The following DOCK3 variants were observed in gnomAD, a reference collection of about 807,000 sequenced individuals.
The protein encoded by DOCK3 is dedicator of cytokinesis 3.
A neutral mutation model predicts 265.6 loss-of-function variants in DOCK3; 60 were observed. The ratio of observed to expected loss-of-function variants is 0.23; its 90% CI spans 0.18 to 0.28. DOCK3 has a LOEUF of 0.28. Among genes scored for constraint, DOCK3 ranks in the 10% least tolerant of loss-of-function variants. The probability of loss-of-function intolerance (pLI) is 1.00; values close to 1 mark genes in which losing one functional copy is unlikely to be tolerated. For synonymous variants in DOCK3, 881 were observed against 938.0 expected (o/e 0.94, Z 1.11); for missense variants, 1,981 against 2,594.3 (o/e 0.76, Z 5.14).
intron 21 of DOCK3, among the ~76,000 whole-genome samples, chr3:51,245,817 TC>T (rs1366749622): frequency 2.0e-5 from 3 of 152,206 alleles, no homozygotes; most frequent in Non-Finnish European, 4.4e-5. Context: ...AGTGGACTGT[TC>T]TATGTGCTTT....
intron 5 of DOCK3, among the ~76,000 whole-genome samples, chr3:50,934,745 A>C (rs1348259872): frequency 6.6e-6 from 1 of 152,192 alleles, no homozygotes; most frequent in African/African-American, 2.4e-5. Context: ...CTCTTAAAAA[A>C]AAAAAAGTAA....
chr3:51,229,997 C>T (rs1287551182), intron 19 of DOCK3, among the ~76,000 whole-genome samples: 1 of 152,190 alleles, frequency 6.6e-6, no homozygotes, highest in African/African-American at 2.4e-5. Context: ...CTGTGCCTGA[C>T]TTATTTCACT....
chr3:50,962,777 CT>C (rs2076924954), intron 5 of DOCK3, among the ~76,000 whole-genome samples: 1 of 152,134 alleles, frequency 6.6e-6, no homozygotes, highest in Non-Finnish European at 1.5e-5. Flanking sequence ...CTACCTAATT[CT>C]TTTCAGTTAT....
chr3:51,318,716 G>A (rs2083507057), intron 32 of DOCK3, among the ~76,000 whole-genome samples: 1 of 151,828 alleles, frequency 6.6e-6, no homozygotes, highest in Non-Finnish European at 1.5e-5. Flanking sequence ...AGTAGCTCAA[G>A]CTCCTTAATT....
intron 1 of DOCK3, among the ~76,000 whole-genome samples, chr3:50,749,901 A>G (rs906657521): frequency 1.3e-5 from 2 of 152,080 alleles, no homozygotes. Context: ...TCTCAAATCC[A>G]TTATACACTC....
At chr3:51,095,358 G>A (rs1481095250) in intron 9 of DOCK3, among the ~76,000 whole-genome samples, 2 of 152,104 alleles carry the variant, frequency 1.3e-5, no homozygotes, top group South Asian at 4.1e-4. Context: ...AGGCTTGGTG[G>A]TGACAAAATC....
chr3:50,696,353 A>G (rs2035616126), intron 1 of DOCK3, among the ~76,000 whole-genome samples: 1 of 152,234 alleles, frequency 6.6e-6, no homozygotes, highest in African/African-American at 2.4e-5. Flanking sequence ...AGAGTTAAGG[A>G]TGCTGGACAC....
intron 5 of DOCK3, among the ~76,000 whole-genome samples, chr3:51,030,580 A>G (rs189169474): frequency 6.6e-6 from 1 of 152,226 alleles, no homozygotes; most frequent in Non-Finnish European, 1.5e-5. Context: ...CAAGTTCTGG[A>G]TCCAATTTTT....
At chr3:51,190,247 C>T (rs545917854) in intron 12 of DOCK3, among the ~76,000 whole-genome samples, 2 of 152,310 alleles carry the variant, frequency 1.3e-5, no homozygotes, top group Admixed American at 1.3e-4. Flanking sequence ...TGCTACTGCT[C>T]TCTGGGTCTA....
In DOCK3 at chr3:51,360,769, A is replaced by T. The variant is rs1294430744; in HGVS notation, c.5006+137A>T. 4 of 1,185,920 alleles carry T rather than the reference A, an allele frequency of 3.4e-6. No homozygotes were observed. In the African/African-American group the frequency reaches 4.6e-5, roughly 14 times the overall value. The allele number at this position is 1,185,920 out of a possible 1,614,324, so 73.5% of individuals were successfully genotyped here. A position where few individuals can be genotyped will look rare whatever the true frequency, so the allele number is the denominator to read the frequency against. On this transcript the variant is annotated intron_variant, in intron 47 of 52. Coordinates refer to ENST00000266037, the MANE Select transcript of DOCK3 (RefSeq NM_004947.5). ...AGCAAACACTTATGTGGCTCCTGCC[A>T]TAGGACCCACACCCTGCATTCAGTC...
Position 51,278,117 on chromosome 3 carries a change from G to A in DOCK3, c.2823+363G>A. On this transcript the variant is annotated intron_variant, in intron 26 of 52. Coordinates refer to ENST00000266037, the MANE Select transcript of DOCK3 (RefSeq NM_004947.5). ...TTCTTCTAGGAACCCCCTCATACAG[G>A]TTCTCCTAAATGATGTACAGGACAG... 4.1e-6 allele frequency: 4 copies of A among 985,340 alleles called. No homozygotes were observed. In the South Asian group the frequency reaches 1.9e-4, roughly 46 times the overall value. 61.0% of individuals were successfully genotyped at this position (985,340 alleles called of 1,614,324 possible).
At chr3:50,797,710 C>A (rs1233097013) in intron 2 of DOCK3, among the ~76,000 whole-genome samples, 1 of 152,102 alleles carries the variant, frequency 6.6e-6, no homozygotes, top group East Asian at 1.9e-4. Flanking sequence ...TTGATGATAG[C>A]CATTTTAACT....
chr3:50,922,393 A>T (rs2050531792), intron 4 of DOCK3, among the ~76,000 whole-genome samples: 1 of 152,198 alleles, frequency 6.6e-6, no homozygotes, highest in Non-Finnish European at 1.5e-5. Context: ...CTGTTTGCTA[A>T]GACTGTTGGA....
chr3:50,687,313 G>C (rs2034895886), intron 1 of DOCK3, among the ~76,000 whole-genome samples: 1 of 152,200 alleles, frequency 6.6e-6, no homozygotes, highest in Non-Finnish European at 1.5e-5. Flanking sequence ...ACTTTATCTG[G>C]TGATTTGAAC....
At chr3:51,202,673 C>A (rs900457323) in intron 12 of DOCK3, among the ~76,000 whole-genome samples, 3 of 152,078 alleles carry the variant, frequency 2.0e-5, no homozygotes, top group Non-Finnish European at 2.9e-5. Flanking sequence ...TTTTATGAGG[C>A]CAGCATCATC....
At chr3:51,053,188 C>T (rs1408618759) in intron 5 of DOCK3, among the ~76,000 whole-genome samples, 3 of 131,140 alleles carry the variant, frequency 2.3e-5, no homozygotes, top group African/African-American at 8.6e-5. Context: ...AATTCCTGTC[C>T]CTATCTCTCC....
intron 1 of DOCK3, among the ~76,000 whole-genome samples, chr3:50,773,793 C>T (rs745362683): frequency 3.3e-5 from 5 of 151,992 alleles, no homozygotes; most frequent in Non-Finnish European, 7.4e-5. Context: ...GGGTTCAATG[C>T]AATAAATCCT....
rs1553620005 is a variant in DOCK3, at chr3:51,383,969, A to C, written c.*2410A>C. 6.6e-6 allele frequency: 1 copy of C among 152,670 alleles called. No individual in the cohort carries two copies. Among genetic ancestry groups the C allele is most frequent in the Non-Finnish European group, 1.5e-5 (1 of 68,052 alleles). The allele number at this position is 152,670 out of a possible 1,614,324, so 9.5% of individuals were successfully genotyped here. A position where few individuals can be genotyped will look rare whatever the true frequency, so the allele number is the denominator to read the frequency against. ...TTTGTGTATTCATGTTTAAAGAAAA[A>C]AAGTGATTTAAAAATGATCTTACCT... On this transcript the variant is annotated 3_prime_UTR_variant, in exon 53 of 53. Transcript: ENST00000266037.
rs768609668 is a variant in DOCK3, at chr3:51,330,176, G to C, written c.3441G>C (p.Val1147=). The change falls in exon 33 of 53, where the codon GTG becomes GTC. Residue 1147 remains valine, a synonymous_variant. Transcript: ENST00000266037. ...AELIDKLDSM[V]SEGKGDESYR... is the part of the protein sequence containing the mutation. ...TGATTGACAAGCTGGACAGCATGGT[G>C]TCAGAAGGGAAAGGTGACGAGAGCT... is the stretch of plus-strand genomic sequence containing the variant. 1.2e-5 allele frequency: 20 copies of C among 1,606,616 alleles called. No individual in the cohort carries two copies. The highest frequency in any genetic ancestry group is 1.6e-5 in the Non-Finnish European group (19 of 1,176,788).
Sources: gnomAD v4.1 joint callset for allele counts (sites outside exome capture counted in the v4.1 genomes callset) on GRCh38, gnomAD v4.1.1 for gene constraint, MANE v1.5 for transcripts, NCBI Gene and HGNC (gene_info 2026-07-23, HGNC 2026-07-21) for gene names.